The following PTPDC1 variants were observed in gnomAD, a reference collection of about 807,000 sequenced individuals.
PTPDC1 encodes the protein protein tyrosine phosphatase domain-containing protein 1.
A neutral mutation model predicts 75.3 loss-of-function variants in PTPDC1; 53 were observed. That is an observed-to-expected ratio of 0.70 (90% CI 0.56 to 0.88). The LOEUF is 0.88. Among genes scored for constraint, PTPDC1 ranks in the 40% least tolerant of loss-of-function variants. The pLI is 0.00. For synonymous variants in PTPDC1, 349 were observed against 366.2 expected (o/e 0.95, Z 0.54); for missense variants, 925 against 998.6 (o/e 0.93, Z 0.99).
chr9:94,106,935 G>A (rs1828042817), intron 8 of PTPDC1, among the ~76,000 whole-genome samples: 1 of 143,756 alleles, frequency 7.0e-6, no homozygotes, highest in Admixed American at 6.9e-5. Flanking sequence ...TATCAAGGTG[G>A]GGTTTGTTTG....
At chr9:94,031,968 G>A (rs900559895) in intron 1 of PTPDC1, among the ~76,000 whole-genome samples, 2 of 152,124 alleles carry the variant, frequency 1.3e-5, no homozygotes, top group East Asian at 1.9e-4. Context: ...ACACACACAC[G>A]TACAGGTACA....
At chr9:94,088,892 ATCAG>A (rs1172106573) in intron 4 of PTPDC1, among the ~76,000 whole-genome samples, 1 of 152,154 alleles carries the variant, frequency 6.6e-6, no homozygotes, top group Non-Finnish European at 1.5e-5. Flanking sequence ...TAAGCTATTT[ATCAG>A]TCATTTAGAC....
At chr9:94,075,989 T>C (rs1826671537) in intron 2 of PTPDC1, among the ~76,000 whole-genome samples, 1 of 150,884 alleles carries the variant, frequency 6.6e-6, no homozygotes, top group Non-Finnish European at 1.5e-5. Context: ...GGTGTGTGTG[T>C]GTGTTTTGTT....
In PTPDC1 at chr9:94,101,713, C is replaced by T. The variant is rs1055915999; in HGVS notation, c.2161C>T (p.Arg721Ter). The change falls in exon 7 of 9, where the codon CGA (arginine) becomes TGA (stop). Residue 721 changes from arginine (R) to a stop codon, truncating the protein, a stop_gained. Coordinates refer to ENST00000620992, the MANE Select transcript of PTPDC1 (RefSeq NM_001253829.2). LOFTEE classifies it high-confidence loss of function. ...GGATGTGGACATGTTGGTTGACAGG[C>T]GAGCAGATGCCGCAGAAGCACTTTT... is the stretch of plus-strand genomic sequence containing the variant. ...KEDVDMLVDR[R>*]ADAAEALFLL... 8 of 1,611,300 alleles carry T rather than the reference C, an allele frequency of 5.0e-6. No individual in the cohort carries two copies. The highest frequency in any genetic ancestry group is 4.4e-5 in the South Asian group (4 of 90,746).
At chr9:94,047,269 A>G (rs1278406724) in intron 1 of PTPDC1, among the ~76,000 whole-genome samples, 1 of 152,080 alleles carries the variant, frequency 6.6e-6, no homozygotes, top group Non-Finnish European at 1.5e-5. Context: ...GAGGATTTTT[A>G]CATCAATGTT....
chr9:94,034,271 C>T (rs759176711), intron 1 of PTPDC1, among the ~76,000 whole-genome samples: 1 of 152,130 alleles, frequency 6.6e-6, no homozygotes, highest in Non-Finnish European at 1.5e-5. Context: ...GTGGTTCACG[C>T]CTGTAATTCC....
chr9:94,104,469 C>A, intron 8 of PTPDC1, 84 bp downstream of exon 8: 2 of 839,958 alleles, frequency 2.4e-6, no homozygotes, highest in South Asian at 1.6e-5. Flanking sequence ...CACCGTCCTC[C>A]TCTAAAATAA....
Position 94,088,130 on chromosome 9 carries a change from C to G in PTPDC1, c.498-15C>G. 1 of 1,610,124 alleles carries G rather than the reference C, an allele frequency of 6.2e-7. No individual in the cohort carries two copies. ...GCTAGCTCCCAATATGACTGACTGCCCTTTTTCCTTTAAGCCATGGCATAA... is the reference window on the plus strand; with the variant it reads ...GCTAGCTCCCAATATGACTGACTGCGCTTTTTCCTTTAAGCCATGGCATAA... On this transcript the variant is annotated splice_polypyrimidine_tract_variant and intron_variant, in intron 3 of 8. Transcript: ENST00000620992.
At chr9:94,083,560 C>A (rs867243515), upstream of PTPDC1, among the ~76,000 whole-genome samples, 1 of 152,140 alleles carries the variant, frequency 6.6e-6, no homozygotes, top group African/African-American at 2.4e-5. Context: ...AGCGAGCAAG[C>A]GAGGGCGCAG....
chr9:94,094,894 C>T (rs900806064), intron 4 of PTPDC1, among the ~76,000 whole-genome samples: 4 of 152,260 alleles, frequency 2.6e-5, no homozygotes, highest in Non-Finnish European at 4.4e-5. Context: ...CCCCTGACCC[C>T]TTGCGCTTCC....
intron 1 of PTPDC1, among the ~76,000 whole-genome samples, chr9:94,046,922 C>T (rs1354095846): frequency 6.6e-6 from 1 of 152,174 alleles, no homozygotes; most frequent in Non-Finnish European, 1.5e-5. Context: ...CTGTCTTGTG[C>T]CCGTTTTCAA....
intron 2 of PTPDC1, among the ~76,000 whole-genome samples, chr9:94,067,805 T>C (rs1157192353): frequency 6.6e-6 from 1 of 152,194 alleles, no homozygotes; most frequent in Non-Finnish European, 1.5e-5. Context: ...TTTAGCCATA[T>C]TGGCCAGGCT....
At chr9:94,101,157 C>G (rs1038440585) in intron 6 of PTPDC1, 1 of 154,582 alleles carries the variant, frequency 6.5e-6, no homozygotes, top group Non-Finnish European at 1.4e-5. Context: ...CATCTACCAT[C>G]TACTTTATTG....
At chr9:94,033,229 G>T (rs567167023) in intron 1 of PTPDC1, among the ~76,000 whole-genome samples, 25 of 152,238 alleles carry the variant, frequency 1.6e-4, no homozygotes, top group African/African-American at 6.0e-4. Flanking sequence ...AAATTAAGCA[G>T]TATAGAGGAT....
chr9:94,041,116 A>C (rs777236311), intron 1 of PTPDC1, among the ~76,000 whole-genome samples: 1 of 152,208 alleles, frequency 6.6e-6, no homozygotes, highest in Non-Finnish European at 1.5e-5. Context: ...CATGCCTCCA[A>C]CATAATCAGC....
chr9:94,098,349 AAC>A lies in PTPDC1; in HGVS notation c.1785_1786del (p.Asn595LysfsTer21). The A allele has an allele frequency of 1.2e-6, 2 of 1,614,216 alleles. No homozygotes were observed. The highest frequency in any genetic ancestry group is 1.7e-6 in the Non-Finnish European group (2 of 1,180,030). On this transcript the variant is annotated frameshift_variant, in exon 6 of 9. Coordinates refer to ENST00000620992, the MANE Select transcript of PTPDC1 (RefSeq NM_001253829.2). LOFTEE classifies it high-confidence loss of function. ...GVGSPGSVRQ[N>X]SRTPRSPLDC... Reference sequence around the variant, plus strand: ...TGGGAGCCCTGGCTCTGTCAGGCAGAACAGCAGGACACCCCGAAGCCCTCTGG... The same window carrying A: ...TGGGAGCCCTGGCTCTGTCAGGCAGAAGCAGGACACCCCGAAGCCCTCTGG...
At position 94,088,218 on chromosome 9, in the gene PTPDC1, G is replaced by GA. The variant is rs1229074052; in HGVS notation, c.574dup (p.Ser192LysfsTer8). The GA allele has an allele frequency of 6.2e-7, 1 of 1,613,998 alleles. No individual in the cohort carries two copies. The highest frequency in any genetic ancestry group is 1.3e-5 in the African/African-American group (1 of 75,026). ...TAGCTGTGGGAACCCTCTGGAACAA[G>GA]AAAGTGGCTTCACATACCTTCCTGA... is the stretch of plus-strand genomic sequence containing the variant. On this transcript the variant is annotated frameshift_variant, in exon 4 of 9. Coordinates refer to ENST00000620992, the MANE Select transcript of PTPDC1 (RefSeq NM_001253829.2). LOFTEE classifies it high-confidence loss of function.
intron 1 of PTPDC1, among the ~76,000 whole-genome samples, chr9:94,062,480 A>G (rs1257361558): frequency 2.0e-5 from 3 of 152,156 alleles, no homozygotes; most frequent in Non-Finnish European, 4.4e-5. Flanking sequence ...TCGCATTGCT[A>G]TAAAGAAATA....
At chr9:94,031,942 A>G (rs368364686) in intron 1 of PTPDC1, among the ~76,000 whole-genome samples, 2 of 152,224 alleles carry the variant, frequency 1.3e-5, no homozygotes, top group South Asian at 2.1e-4. Flanking sequence ...TAAATGTTCC[A>G]TGCCAGGCAC....
Sources: allele counts gnomAD v4.1 joint callset (sites outside exome capture counted in the v4.1 genomes callset), GRCh38; gene constraint gnomAD v4.1.1; transcripts MANE v1.5; gene names NCBI Gene and HGNC (gene_info 2026-07-23, HGNC 2026-07-21).